Variants in DST observed in about 807,000 individuals in gnomAD.
DST encodes bullous pemphigoid antigen.
A neutral mutation model predicts 875.2 loss-of-function variants in DST; 253 were observed. That is an observed-to-expected ratio of 0.29 (90% CI 0.26 to 0.32). The LOEUF is 0.32. DST is among the 10% of genes least tolerant of loss of function. The pLI is 1.00. For missense variants in DST, 8,287 were observed against 9,111.6 expected, an observed-to-expected ratio of 0.91 and a Z score of 3.68; for synonymous variants, 3,124 against 3,197.1, an observed-to-expected ratio of 0.98 and a Z score of 0.77.
chr6:56,572,376 A>AT, intron 52 of DST, 110 bp from the exon 53 acceptor site: 1 of 655,990 alleles, frequency 1.5e-6, no homozygotes, highest in East Asian at 3.1e-5. Flanking sequence ...AATTTCACAT[A>AT]AGAATGAGTC....
intron 38 of DST, 145 bp downstream of exon 38, chr6:56,611,363 A>T: frequency 1.6e-6 from 1 of 620,986 alleles, no homozygotes. Flanking sequence ...TACTAAGTTG[A>T]TACTCTTTAC....
At chr6:56,620,280 G>A in intron 36 of DST, 2 of 1,613,992 alleles carry the variant, frequency 1.2e-6, no homozygotes, top group South Asian at 1.1e-5. Context: ...TGATCTTCCA[G>A]TGTTCGTCTG....
intron 85 of DST, among the ~76,000 whole-genome samples, chr6:56,491,158 C>T (rs1005132990): frequency 6.6e-6 from 1 of 152,208 alleles, no homozygotes; most frequent in Non-Finnish European, 1.5e-5. Flanking sequence ...CATTTCACAC[C>T]TCCCATTCAA....
intron 10 of DST, among the ~76,000 whole-genome samples, chr6:56,666,737 CTTTTT>C (rs111274857): frequency 1.4e-5 from 2 of 139,476 alleles, no homozygotes. Context: ...AAAAACTACT[CTTTTT>C]TTTTTTTTTT....
Position 56,476,219 on chromosome 6 carries a change from A to C in DST, c.21794T>G (p.Leu7265Arg). 1 of 1,612,738 alleles carries C rather than the reference A, an allele frequency of 6.2e-7. No homozygotes were observed. Among genetic ancestry groups the C allele is most frequent in the Non-Finnish European group, 8.5e-7 (1 of 1,179,378 alleles). ...LAWLQWAETT[L>R]TDKDKEVIPQ... is the part of the protein sequence containing the mutation. ...GATGACTTCTTTATCCTTATCAGTA[A>C]GTGTAGTTTCAGCCCATTGCAACCA... Residue 7265 changes from leucine to arginine, a missense_variant, in exon 92 of 104, where the codon CTT (leucine) becomes CGT (arginine). Transcript: ENST00000680361.
At chr6:56,618,717 A>G in intron 36 of DST, 1 of 1,613,920 alleles carries the variant, frequency 6.2e-7, no homozygotes, top group South Asian at 1.1e-5. Context: ...CTAATGCCTG[A>G]AATATCATTT....
At chr6:56,531,497 G>A (rs1227929448) in intron 64 of DST, among the ~76,000 whole-genome samples, 1 of 152,088 alleles carries the variant, frequency 6.6e-6, no homozygotes, top group African/African-American at 2.4e-5. Flanking sequence ...ACCTCTTTGG[G>A]AGCACTTTAT....
chr6:56,856,093 T>C (rs1318185213), intron 3 of DST, among the ~76,000 whole-genome samples: 3 of 152,234 alleles, frequency 2.0e-5, no homozygotes, highest in African/African-American at 7.2e-5. Context: ...AAAATGACTT[T>C]CCTGATAGCC....
intron 85 of DST, among the ~76,000 whole-genome samples, chr6:56,491,893 G>C (rs1257575166): frequency 1.3e-5 from 2 of 152,150 alleles, no homozygotes; most frequent in Admixed American, 1.3e-4. Flanking sequence ...TATGAGAACA[G>C]AGGTCAAAAG....
intron 9 of DST, among the ~76,000 whole-genome samples, chr6:56,699,136 T>A (rs2099279239): frequency 6.6e-6 from 1 of 152,228 alleles, no homozygotes; most frequent in Non-Finnish European, 1.5e-5. Flanking sequence ...TATTAGATAA[T>A]AATTCAGTCA....
At chr6:56,467,422 T>C (rs2094633861) in intron 98 of DST, 1 of 151,296 alleles carries the variant, frequency 6.6e-6, no homozygotes, top group African/African-American at 2.5e-5. Context: ...TGTTTTTCCA[T>C]CAAACTTTTA....
chr6:56,487,351 C>T, intron 86 of DST, 78 bp from the exon 87 acceptor site: 1 of 1,238,586 alleles, frequency 8.1e-7, no homozygotes, highest in Non-Finnish European at 1.1e-6. Context: ...CAGAGGCATC[C>T]CTAATAAATG....
chr6:56,482,325 TAGAG>T (rs1338028007), intron 89 of DST, 147 bp from the exon 90 acceptor site: 2 of 918,276 alleles, frequency 2.2e-6, no homozygotes, highest in Non-Finnish European at 3.0e-6. Flanking sequence ...ATTAAGAAGA[TAGAG>T]ATACACATAT....
intron 5 of DST, among the ~76,000 whole-genome samples, chr6:56,731,890 T>C (rs1276255854): frequency 6.6e-6 from 1 of 152,248 alleles, no homozygotes; most frequent in East Asian, 1.9e-4. Context: ...AATTTTGTTT[T>C]CTTATAAAGT....
intron 4 of DST, among the ~76,000 whole-genome samples, chr6:56,763,724 C>CACACACAT (rs1434952060): frequency 2.0e-4 from 29 of 143,652 alleles, no homozygotes; most frequent in African/African-American, 5.6e-4. Flanking sequence ...CACACACACA[C>CACACACAT]ATATAGGGAT....
intron 9 of DST, among the ~76,000 whole-genome samples, chr6:56,695,194 C>CTT (rs2099256894): frequency 6.6e-6 from 1 of 150,802 alleles, no homozygotes; most frequent in Admixed American, 6.6e-5. Context: ...CCTCCTCCTC[C>CTT]TTCTCTCTCT....
chr6:56,566,894 G>A (rs978985261), intron 55 of DST, among the ~76,000 whole-genome samples: 6 of 152,180 alleles, frequency 3.9e-5, no homozygotes, highest in Non-Finnish European at 7.4e-5. Context: ...AAAATAAATC[G>A]ATTATTAAAC....
At chr6:56,791,404 G>A (rs2153006089) in intron 4 of DST, among the ~76,000 whole-genome samples, 1 of 152,196 alleles carries the variant, frequency 6.6e-6, no homozygotes, top group East Asian at 1.9e-4. Context: ...TGGGAACCAG[G>A]GATATAAAAG....
At chr6:56,579,374 G>A (rs969603295) in intron 49 of DST, among the ~76,000 whole-genome samples, 3 of 152,118 alleles carry the variant, frequency 2.0e-5, no homozygotes, top group South Asian at 4.1e-4. Flanking sequence ...TCAATACTGA[G>A]TCATGTTTAT....
Sources: gnomAD v4.1 joint callset for allele counts (sites outside exome capture counted in the v4.1 genomes callset) on GRCh38, gnomAD v4.1.1 for gene constraint, MANE v1.5 for transcripts, NCBI Gene and HGNC (gene_info 2026-07-23, HGNC 2026-07-21) for gene names.